CFH: variants seen among roughly 807,000 people sequenced by gnomAD.
The protein encoded by CFH is complement factor H, also known as H factor 1 (complement).
CFH carries 53 observed loss-of-function variants against 147.3 expected under a neutral mutation model. The ratio of observed to expected loss-of-function variants is 0.36; its 90% CI spans 0.29 to 0.45. CFH has a LOEUF of 0.45. Among genes scored for constraint, CFH ranks in the 20% least tolerant of loss-of-function variants. The probability of loss-of-function intolerance (pLI) is 1.00; values close to 1 mark genes in which losing one functional copy is unlikely to be tolerated. For missense variants in CFH, 1,380 were observed against 1,498.0 expected (o/e 0.92, Z 1.30); for synonymous variants, 536 against 489.4 (o/e 1.10, Z -1.26).
Position 196,675,982 on chromosome 1 carries a change from T to C in CFH, c.351-7T>C. ...ATGTCAACGTTCTGTTATTTTTTGG[T>C]TTTCAGGTATCAATTGCTAGGTGAG... On this transcript the variant is annotated splice_polypyrimidine_tract_variant and splice_region_variant and intron_variant, in intron 3 of 21. Coordinates refer to ENST00000367429, the MANE Select transcript of CFH (RefSeq NM_000186.4). 1 of 1,602,836 alleles carries C rather than the reference T, an allele frequency of 6.2e-7. No homozygotes were observed. Among genetic ancestry groups the C allele is most frequent in the Non-Finnish European group, 8.5e-7 (1 of 1,170,564 alleles).
At chr1:196,694,992 G>A (rs1168534103) in intron 9 of CFH, among the ~76,000 whole-genome samples, 1 of 152,176 alleles carries the variant, frequency 6.6e-6, no homozygotes, top group Non-Finnish European at 1.5e-5. Context: ...TTGCTGTGCA[G>A]AAGCTCTTTA....
chr1:196,674,177 T>C (rs1256775642), intron 3 of CFH, among the ~76,000 whole-genome samples: 1 of 152,152 alleles, frequency 6.6e-6, no homozygotes, highest in Non-Finnish European at 1.5e-5. Context: ...ACTTCTCTGA[T>C]AGAGTATAAT....
At chr1:196,701,185 T>G in intron 9 of CFH, 1 of 1,187,050 alleles carries the variant, frequency 8.4e-7, no homozygotes, top group South Asian at 1.2e-5. Context: ...AAGAAATTAC[T>G]AGTGGAAGAA....
intron 9 of CFH, among the ~76,000 whole-genome samples, chr1:196,708,151 C>T (rs1339402006): frequency 1.3e-5 from 2 of 152,202 alleles, no homozygotes; most frequent in African/African-American, 4.8e-5. Flanking sequence ...AGTGCCTAGA[C>T]AGGCATAGCA....
chr1:196,674,073 A>AT (rs1412091906), intron 3 of CFH, 111 bp downstream of exon 3: 16 of 739,774 alleles, frequency 2.2e-5, no homozygotes, highest in Non-Finnish European at 4.6e-6. Context: ...TAAAAAAGTA[A>AT]TACACAAGTA....
At chr1:196,670,138 A>C (rs183598174) in intron 1 of CFH, among the ~76,000 whole-genome samples, 1 of 152,108 alleles carries the variant, frequency 6.6e-6, no homozygotes, top group South Asian at 2.1e-4. Context: ...CATTTACCCA[A>C]TGCCTGTATT....
chr1:196,680,579 A>G (rs1667614908), intron 6 of CFH, among the ~76,000 whole-genome samples: 2 of 151,906 alleles, frequency 1.3e-5, no homozygotes, highest in African/African-American at 4.8e-5. Flanking sequence ...GTTTTGAGAT[A>G]TTTTCAAACA....
chr1:196,681,945 C>G (rs1333534541), intron 6 of CFH, among the ~76,000 whole-genome samples: 1 of 151,688 alleles, frequency 6.6e-6, no homozygotes, highest in Non-Finnish European at 1.5e-5. Flanking sequence ...ACTTCAAACT[C>G]TCTTTGTTGC....
At chr1:196,728,609 A>T in intron 15 of CFH, 87 bp downstream of exon 15, 1 of 1,300,366 alleles carries the variant, frequency 7.7e-7, no homozygotes, top group Non-Finnish European at 1.1e-6. Context: ...AACTTTAGCT[A>T]TTTATTATTA....
At chr1:196,728,224 A>G (rs528207494) in intron 14 of CFH, 122 bp from the exon 15 acceptor site, 2 of 734,450 alleles carry the variant, frequency 2.7e-6, no homozygotes, top group Admixed American at 7.0e-5. Flanking sequence ...GGTTGGTGAA[A>G]TTTATAATGA....
chr1:196,732,967 G>T (rs1469116470), intron 15 of CFH, among the ~76,000 whole-genome samples: 1 of 151,928 alleles, frequency 6.6e-6, no homozygotes, highest in East Asian at 1.9e-4. Context: ...TGAGTCCATT[G>T]TATTACCAGC....
intron 11 of CFH, among the ~76,000 whole-genome samples, chr1:196,721,641 A>G (rs1669000725): frequency 6.6e-6 from 1 of 151,934 alleles, no homozygotes; most frequent in South Asian, 2.1e-4. Context: ...TCTGTCTAGT[A>G]TAGTCATTGG....
intron 18 of CFH, 29 bp downstream of exon 18, chr1:196,740,821 A>G (rs372923799): frequency 4.4e-6 from 7 of 1,599,380 alleles, no homozygotes; most frequent in Non-Finnish European, 4.3e-6. Flanking sequence ...TATTATATGT[A>G]TGATAAATAT....
intron 6 of CFH, among the ~76,000 whole-genome samples, chr1:196,682,542 C>A (rs575478339): frequency 6.6e-6 from 1 of 151,230 alleles, no homozygotes; most frequent in South Asian, 2.1e-4. Flanking sequence ...TTGTTTTTTG[C>A]ATCTCATAGC....
chr1:196,709,485 A>G (rs1388084740), intron 9 of CFH, among the ~76,000 whole-genome samples: 1 of 152,090 alleles, frequency 6.6e-6, no homozygotes, highest in South Asian at 2.1e-4. Flanking sequence ...GATTCATACC[A>G]TATTAGCTTT....
At chr1:196,656,451 G>T (rs1287930290) in intron 1 of CFH, among the ~76,000 whole-genome samples, 1 of 152,060 alleles carries the variant, frequency 6.6e-6, no homozygotes, top group East Asian at 1.9e-4. Context: ...AGTTTCCTGG[G>T]TTCTTGCAAC....
chr1:196,742,521 G>A (rs938458435), intron 19 of CFH, among the ~76,000 whole-genome samples: 2 of 152,172 alleles, frequency 1.3e-5, no homozygotes, highest in Non-Finnish European at 1.5e-5. Flanking sequence ...GTAGTCGTAT[G>A]CCTAAAAATA....
chr1:196,700,054 A>G (rs1558167251), intron 9 of CFH, among the ~76,000 whole-genome samples: 2 of 152,166 alleles, frequency 1.3e-5, no homozygotes, highest in Admixed American at 1.3e-4. Flanking sequence ...TACTAACAAA[A>G]CTACTGATGC....
intron 6 of CFH, among the ~76,000 whole-genome samples, chr1:196,682,217 C>A (rs903475857): frequency 6.6e-6 from 1 of 151,670 alleles, no homozygotes; most frequent in East Asian, 1.9e-4. Flanking sequence ...TCTATCTCTT[C>A]CCTGTACAGA....
Sources: gnomAD v4.1 joint callset for allele counts (sites outside exome capture counted in the v4.1 genomes callset) on GRCh38, gnomAD v4.1.1 for gene constraint, MANE v1.5 for transcripts, NCBI Gene and HGNC (gene_info 2026-07-23, HGNC 2026-07-21) for gene names.